The following TIAM2 variants were observed in gnomAD, a reference collection of about 807,000 sequenced individuals.
TIAM2 encodes the protein TIAM Rac1 associated GEF 2, also known as rho guanine nucleotide exchange factor TIAM2.
A neutral mutation model predicts 152.9 loss-of-function variants in TIAM2; 80 were observed. The ratio of observed to expected loss-of-function variants is 0.52; its 90% CI spans 0.44 to 0.63. The LOEUF (loss-of-function observed/expected upper bound fraction) is 0.63, where lower values mean the gene tolerates loss of function less well. Ranked by LOEUF, TIAM2 falls within the 30% of genes least tolerant of loss-of-function variation. The probability of loss-of-function intolerance (pLI) is 0.00; values close to 1 mark genes in which losing one functional copy is unlikely to be tolerated. For missense variants in TIAM2, 1,965 were observed against 2,120.1 expected (o/e 0.93, Z 1.44); for synonymous variants, 804 against 838.0 (o/e 0.96, Z 0.70).
intron 15 of TIAM2, among the ~76,000 whole-genome samples, chr6:155,220,255 C>T (rs990065105): frequency 6.6e-6 from 1 of 152,216 alleles, no homozygotes; most frequent in East Asian, 1.9e-4. Flanking sequence ...AAAACTCAGA[C>T]ATGGGGTGTT....
chr6:155,044,271 C>A (rs1052183364), intron 1 of TIAM2, among the ~76,000 whole-genome samples: 1 of 152,122 alleles, frequency 6.6e-6, no homozygotes, highest in Non-Finnish European at 1.5e-5. Context: ...GCCAGGTGTT[C>A]TCATTCACGA....
At chr6:155,148,000 G>T in intron 6 of TIAM2, 110 bp from the exon 7 acceptor site, 1 of 1,014,694 alleles carries the variant, frequency 9.9e-7, no homozygotes, top group Non-Finnish European at 1.5e-6. Context: ...CAGCTTGTAT[G>T]CAGTGCAAGT....
intron 14 of TIAM2, among the ~76,000 whole-genome samples, chr6:155,190,852 G>T (rs1181268626): frequency 6.6e-6 from 1 of 151,368 alleles, no homozygotes; most frequent in African/African-American, 2.4e-5. Context: ...AAAAAAAAAA[G>T]ATCTCACTTT....
Position 155,257,523 on chromosome 6 carries a change from A to G in TIAM2, c.*402A>G, listed in dbSNP as rs1174793611. On this transcript the variant is annotated 3_prime_UTR_variant, in exon 27 of 27. Transcript: ENST00000682666. ...TTAGTTTTTGCTTTATTTAAAGCATATTTAAGTTATTTTAATGTGGTTTAG... is the reference window on the plus strand; with the variant it reads ...TTAGTTTTTGCTTTATTTAAAGCATGTTTAAGTTATTTTAATGTGGTTTAG... 5.6e-6 allele frequency: 2 copies of G among 359,830 alleles called. No individual in the cohort carries two copies. The highest frequency in any genetic ancestry group is 1.0e-5 in the Non-Finnish European group (2 of 198,950). The allele number at this position is 359,830 out of a possible 1,614,324, so 22.3% of individuals were successfully genotyped here.
At chr6:155,195,077 C>A (rs1336421902) in intron 14 of TIAM2, among the ~76,000 whole-genome samples, 1 of 152,192 alleles carries the variant, frequency 6.6e-6, no homozygotes, top group Non-Finnish European at 1.5e-5. Context: ...ATCTATTACC[C>A]AGTCTCAGGT....
Position 155,248,068 on chromosome 6 carries a change from C to T in TIAM2, c.3721C>T (p.Leu1241=). 6.2e-7 allele frequency: 1 copy of T among 1,614,238 alleles called. No individual in the cohort carries two copies. Among genetic ancestry groups the T allele is most frequent in the Non-Finnish European group, 8.5e-7 (1 of 1,180,044 alleles). ...RNPTKQHSST[L]ESYLIKPVQR... is the part of the protein sequence containing the mutation. ...CCCCACCAAGCAGCATTCCTCCACG[C>T]TGGAGTCCTACCTCATCAAGCCGGT... The change falls in exon 20 of 27, where the codon CTG becomes TTG. Residue 1241 remains leucine (L), a synonymous_variant. Transcript: ENST00000682666.
At chr6:155,132,351 C>T (rs1779467603) in intron 4 of TIAM2, among the ~76,000 whole-genome samples, 1 of 150,794 alleles carries the variant, frequency 6.6e-6, no homozygotes, top group Non-Finnish European at 1.5e-5. Context: ...TGAAGTTTGA[C>T]TTTCGTTACT....
chr6:155,101,788 G>A (rs764438798), intron 2 of TIAM2, among the ~76,000 whole-genome samples: 20 of 151,696 alleles, frequency 1.3e-4, no homozygotes, highest in South Asian at 6.3e-4. Context: ...TCGGCTCACT[G>A]CAGCCTCTGC....
At chr6:155,210,322 T>G (rs951116130) in intron 14 of TIAM2, among the ~76,000 whole-genome samples, 1 of 152,066 alleles carries the variant, frequency 6.6e-6, no homozygotes, top group East Asian at 1.9e-4. Flanking sequence ...CTCCTCTTTC[T>G]TTTTCTTTCC....
At chr6:155,187,878 G>C (rs1301183858) in intron 14 of TIAM2, among the ~76,000 whole-genome samples, 2 of 152,114 alleles carry the variant, frequency 1.3e-5, no homozygotes, top group East Asian at 3.9e-4. Flanking sequence ...GTGCTCGGCC[G>C]CAAGCCCCAT....
chr6:155,010,096 G>A (rs141341145), intron 1 of TIAM2, among the ~76,000 whole-genome samples: 5 of 152,132 alleles, frequency 3.3e-5, no homozygotes, highest in East Asian at 3.9e-4. Context: ...TCAGCCTCCC[G>A]AAGTCCTAGC....
At chr6:155,068,042 G>GGA (rs1309956887) in intron 1 of TIAM2, among the ~76,000 whole-genome samples, 3 of 152,124 alleles carry the variant, frequency 2.0e-5, no homozygotes, top group African/African-American at 7.2e-5. Context: ...CTAAGAATTG[G>GGA]GAGAAGGGGT....
At chr6:155,138,770 C>CT (rs35787345) in intron 5 of TIAM2, among the ~76,000 whole-genome samples, 1 of 152,034 alleles carries the variant, frequency 6.6e-6, no homozygotes, top group African/African-American at 2.4e-5. Flanking sequence ...GGAACTCATC[C>CT]TTTTTTATGG....
chr6:155,227,841 A>G (rs1782301243), intron 15 of TIAM2, among the ~76,000 whole-genome samples: 1 of 152,234 alleles, frequency 6.6e-6, no homozygotes, highest in Non-Finnish European at 1.5e-5. Flanking sequence ...CAGAGGATGC[A>G]GCCTCCTCAG....
intron 2 of TIAM2, among the ~76,000 whole-genome samples, chr6:155,114,766 T>A (rs1778970962): frequency 2.0e-5 from 3 of 151,966 alleles, no homozygotes; most frequent in Non-Finnish European, 4.4e-5. Context: ...ATGTTTAAGA[T>A]GTTTGATTTG....
intron 1 of TIAM2, among the ~76,000 whole-genome samples, chr6:155,023,841 A>G (rs149639108): frequency 1.8e-3 from 280 of 152,296 alleles, no homozygotes; most frequent in South Asian, 3.3e-3. Context: ...TGGTTTGTAC[A>G]TTACTTAATT....
chr6:155,171,528 T>C (rs1480504071), intron 9 of TIAM2, among the ~76,000 whole-genome samples: 1 of 152,110 alleles, frequency 6.6e-6, no homozygotes, highest in Non-Finnish European at 1.5e-5. Flanking sequence ...TGCAGTATTG[T>C]CATCTTAGTC....
intron 1 of TIAM2, among the ~76,000 whole-genome samples, chr6:155,006,743 C>T (rs971749781): frequency 4.6e-5 from 7 of 151,492 alleles, no homozygotes; most frequent in Non-Finnish European, 1.0e-4. Context: ...GGCTGGAGTG[C>T]AGTGGCGTGA....
At position 155,186,350 on chromosome 6, in the gene TIAM2, C is replaced by T. The variant is rs1781042916; in HGVS notation, c.3064+2850C>T. ...AGTCTACACAGCTCTGCAGATGGGC[C>T]CTGGAATGAGCCCCAGCTGTACACA... On this transcript the variant is annotated intron_variant, in intron 14 of 26. Coordinates refer to ENST00000682666, the MANE Select transcript of TIAM2 (RefSeq NM_012454.4). The surrounding 1 kb of genome is among the most constrained non-coding windows in gnomAD (Gnocchi z 4.5). Among the ~76,000 whole-genome samples, 1 of 152,094 alleles carries T rather than the reference C, an allele frequency of 6.6e-6. No homozygotes were observed. The highest frequency in any genetic ancestry group is 2.4e-5 in the African/African-American group (1 of 41,418).
Sources: allele counts gnomAD v4.1 joint callset (sites outside exome capture counted in the v4.1 genomes callset), GRCh38; gene constraint gnomAD v4.1.1; non-coding constraint Gnocchi (gnomAD v3.1); transcripts MANE v1.5; gene names NCBI Gene and HGNC (gene_info 2026-07-23, HGNC 2026-07-21).